Variants in MED23 observed in about 807,000 individuals in gnomAD.
MED23 encodes mediator complex subunit 23, also known as mediator of RNA polymerase II transcription subunit 23.
MED23 carries 105 observed loss-of-function variants against 163.9 expected under a neutral mutation model. The observed-to-expected ratio is 0.64, with a 90% CI of 0.55 to 0.75. The LOEUF (loss-of-function observed/expected upper bound fraction) is 0.75. Among genes scored for constraint, MED23 ranks in the 30% least tolerant of loss-of-function variants. The probability of loss-of-function intolerance (pLI) is 0.00; values close to 1 mark genes in which losing one functional copy is unlikely to be tolerated. For missense variants in MED23, 1,054 were observed against 1,649.0 expected (o/e 0.64, Z 6.25); for synonymous variants, 561 against 565.6 (o/e 0.99, Z 0.12).
chr6:131,584,630 C>T (rs1332492718), downstream of MED23, among the ~76,000 whole-genome samples: 1 of 151,620 alleles, frequency 6.6e-6, no homozygotes, highest in African/African-American at 2.4e-5. Context: ...AAACCTCAAA[C>T]ATGATTTTGG....
At chr6:131,623,650 A>G (rs2114775003) in intron 4 of MED23, among the ~76,000 whole-genome samples, 188 bp from the exon 5 acceptor site, 1 of 152,318 alleles carries the variant, frequency 6.6e-6, no homozygotes, top group African/African-American at 2.4e-5. Context: ...TGTTCTCATG[A>G]TAGTGAGTTA....
At chr6:131,614,507 G>A (rs2114720001) in intron 10 of MED23, among the ~76,000 whole-genome samples, 1 of 152,286 alleles carries the variant, frequency 6.6e-6, no homozygotes, top group Middle Eastern at 3.4e-3. Context: ...CCACTATTTT[G>A]TTTAAAATAT....
At chr6:131,609,001 G>A (rs562147121) in intron 11 of MED23, among the ~76,000 whole-genome samples, 99 of 152,118 alleles carry the variant, frequency 6.5e-4, no homozygotes, top group African/African-American at 2.1e-3. Flanking sequence ...CTCTGTATTC[G>A]CTGTCAGTCA....
downstream of MED23, chr6:131,583,705 A>G (rs529105053): frequency 2.0e-5 from 32 of 1,601,400 alleles, no homozygotes; most frequent in South Asian, 3.0e-4. Flanking sequence ...AATGTCAACT[A>G]TTTTATAAAT....
intron 9 of MED23, among the ~76,000 whole-genome samples, chr6:131,616,273 TC>T (rs1364242086): frequency 3.3e-5 from 5 of 152,018 alleles, no homozygotes; most frequent in Admixed American, 2.6e-4. Context: ...GACCTTCCAA[TC>T]CCCCTTCCCC....
At chr6:131,581,077 T>C (rs1773894958) in intron 30 of MED23, 2 of 774,076 alleles carry the variant, frequency 2.6e-6, no homozygotes, top group Non-Finnish European at 4.5e-6. Context: ...TTTTAACTAA[T>C]TGGCATCTCC....
intron 11 of MED23, among the ~76,000 whole-genome samples, chr6:131,608,412 T>C (rs1776015265): frequency 6.6e-6 from 1 of 152,130 alleles, no homozygotes; most frequent in Non-Finnish European, 1.5e-5. Context: ...AAGTTTAATA[T>C]GGGATAATTC....
At chr6:131,576,612 C>G (rs1375117058) in intron 30 of MED23, 1 of 1,512,342 alleles carries the variant, frequency 6.6e-7, no homozygotes, top group Non-Finnish European at 9.2e-7. Flanking sequence ...CTGCTGTGAG[C>G]ATCTGATGGT....
rs561658259 is a variant in MED23 at position 131,598,365 on chromosome 6, G to T, written c.2529C>A (p.Leu843=). 167 of 1,614,044 alleles carry T rather than the reference G, an allele frequency of 1.0e-4. 2 individuals are homozygous for T. In the East Asian group the frequency reaches 3.4e-3, roughly 33 times the overall value. ...EFSTSAGGQQ[L]NKCIEILNDM... ...CATTAAGAATTTCAATGCATTTATTGAGTTGCTGACCCCCTGCTGATGTAG... is the reference window on the plus strand; with the variant it reads ...CATTAAGAATTTCAATGCATTTATTTAGTTGCTGACCCCCTGCTGATGTAG... Residue 843 remains leucine (L), a synonymous_variant, in exon 20 of 29, where the codon CTC becomes CTA. Coordinates refer to ENST00000368068, the MANE Select transcript of MED23 (RefSeq NM_004830.4). This position sits in a 1 kb window ranked among gnomAD's most constrained non-coding sequence, Gnocchi z 4.7.
At chr6:131,617,785 A>C (rs1210681860) in intron 9 of MED23, among the ~76,000 whole-genome samples, 2 of 152,208 alleles carry the variant, frequency 1.3e-5, no homozygotes, top group Non-Finnish European at 2.9e-5. Flanking sequence ...TCACTAATGC[A>C]ACAATTTAGA....
intron 20 of MED23, among the ~76,000 whole-genome samples, chr6:131,596,992 C>T (rs1254658386): frequency 6.6e-6 from 1 of 152,166 alleles, no homozygotes; most frequent in Non-Finnish European, 1.5e-5. Flanking sequence ...ATTTTTTCTA[C>T]ACCTCCATCT....
At chr6:131,578,791 A>C (rs1773762506) in intron 30 of MED23, among the ~76,000 whole-genome samples, 1 of 152,228 alleles carries the variant, frequency 6.6e-6, no homozygotes, top group Non-Finnish European at 1.5e-5. Context: ...AGAGAGACAG[A>C]GACAGAGACA....
At chr6:131,627,915 T>C (rs1585589431) in intron 1 of MED23, 96 bp downstream of exon 1, 2 of 1,476,748 alleles carry the variant, frequency 1.4e-6, no homozygotes, top group South Asian at 1.1e-5. Flanking sequence ...AAGGGAGGCG[T>C]GAGAGGAGGT....
chr6:131,588,235 C>T (rs1774320615), intron 28 of MED23, among the ~76,000 whole-genome samples: 1 of 152,176 alleles, frequency 6.6e-6, no homozygotes, highest in Non-Finnish European at 1.5e-5. Context: ...TTTAAAATGC[C>T]ATCTTTACAG....
At chr6:131,625,738 T>C (rs1444411291) in intron 3 of MED23, among the ~76,000 whole-genome samples, 2 of 151,996 alleles carry the variant, frequency 1.3e-5, no homozygotes, top group Non-Finnish European at 2.9e-5. Flanking sequence ...CTGAGAGAAA[T>C]GCAAAATAAA....
intron 14 of MED23, 68 bp from the exon 15 acceptor site, chr6:131,604,388 T>G: frequency 1.3e-6 from 2 of 1,484,788 alleles, no homozygotes; most frequent in Non-Finnish European, 1.9e-6. Context: ...GCTACTCTAC[T>G]TAGAAGTAAC....
intron 15 of MED23, among the ~76,000 whole-genome samples, 192 bp from the exon 16 acceptor site, chr6:131,603,396 A>G (rs1203214929): frequency 1.3e-5 from 2 of 152,196 alleles, no homozygotes; most frequent in African/African-American, 4.8e-5. Context: ...TAACTATAAT[A>G]TCAAGTTTGC....
intron 12 of MED23, 36 bp from the exon 13 acceptor site, chr6:131,606,660 A>G: frequency 6.7e-7 from 1 of 1,491,898 alleles, no homozygotes. Flanking sequence ...ACACAATAGA[A>G]GAAAGAGAAG....
At chr6:131,624,544 G>A (rs1777343583) in intron 4 of MED23, among the ~76,000 whole-genome samples, 1 of 152,148 alleles carries the variant, frequency 6.6e-6, no homozygotes, top group Non-Finnish European at 1.5e-5. Flanking sequence ...CTAAAACCAT[G>A]AATAATTTTA....
Sources: gnomAD v4.1 joint callset for allele counts (sites outside exome capture counted in the v4.1 genomes callset) on GRCh38, gnomAD v4.1.1 for gene constraint, Gnocchi (gnomAD v3.1) non-coding constraint, MANE v1.5 for transcripts, NCBI Gene and HGNC (gene_info 2026-07-23, HGNC 2026-07-21) for gene names.